Variants in VMP1 observed in about 807,000 individuals in gnomAD.
VMP1 encodes ectopic P-granules autophagy protein 3 homolog.
In VMP1, 11 loss-of-function variants were observed where a neutral mutation model predicts 56.0. That is an observed-to-expected ratio of 0.20 (90% CI 0.12 to 0.32). The LOEUF is 0.32. VMP1 is among the 10% of genes least tolerant of loss of function. VMP1 has a pLI of 1.00. For synonymous variants in VMP1, 149 were observed against 165.0 expected, an observed-to-expected ratio of 0.90 and a Z score of 0.74; for missense variants, 296 against 490.3, an observed-to-expected ratio of 0.60 and a Z score of 3.74.
chr17:59,728,852 C>T (rs1427149342), intron 1 of VMP1, among the ~76,000 whole-genome samples: 1 of 152,052 alleles, frequency 6.6e-6, no homozygotes, highest in African/African-American at 2.4e-5. Context: ...CCCATTTAAA[C>T]GGTATATTCA....
chr17:59,773,732 A>G, intron 6 of VMP1, 22 bp from the exon 7 acceptor site: 1 of 1,577,040 alleles, frequency 6.3e-7, no homozygotes, highest in Non-Finnish European at 8.6e-7. Context: ...CCTCATTGTA[A>G]GTATTTTGGT....
intron 9 of VMP1, among the ~76,000 whole-genome samples, chr17:59,816,812 G>A (rs914640603): frequency 1.3e-5 from 2 of 151,870 alleles, no homozygotes; most frequent in African/African-American, 4.8e-5. Context: ...TAGGCGTGGT[G>A]TCGTGCGCCT....
chr17:59,830,207 C>T (rs967851955), intron 10 of VMP1, among the ~76,000 whole-genome samples: 6 of 151,926 alleles, frequency 3.9e-5, no homozygotes, highest in African/African-American at 1.4e-4. Flanking sequence ...CACCTCCTGT[C>T]GCATGCCAGC....
At chr17:59,759,278 G>A (rs1168052342) in intron 5 of VMP1, among the ~76,000 whole-genome samples, 1 of 152,118 alleles carries the variant, frequency 6.6e-6, no homozygotes, top group Non-Finnish European at 1.5e-5. Context: ...GGAGGCTGAG[G>A]CAGGAGAATT....
intron 5 of VMP1, among the ~76,000 whole-genome samples, chr17:59,748,509 TCA>T (rs1285994198): frequency 6.6e-6 from 1 of 152,124 alleles, no homozygotes; most frequent in African/African-American, 2.4e-5. Context: ...CTTTTAAACC[TCA>T]GTCATTCAAC....
chr17:59,749,610 A>G (rs112143648), intron 5 of VMP1, among the ~76,000 whole-genome samples: 6,751 of 151,808 alleles, frequency 0.044, 489 homozygotes, highest in African/African-American at 0.15. Flanking sequence ...TCGTGGGTTC[A>G]AGTGATTCTC....
At chr17:59,820,101 C>T (rs1168213805) in intron 10 of VMP1, among the ~76,000 whole-genome samples, 3 of 152,194 alleles carry the variant, frequency 2.0e-5, no homozygotes, top group Non-Finnish European at 2.9e-5. Context: ...CCTTTCTCCT[C>T]CTCTTCTTGA....
intron 10 of VMP1, among the ~76,000 whole-genome samples, chr17:59,836,178 CCTT>C (rs1207897344): frequency 6.6e-6 from 1 of 150,452 alleles, no homozygotes; most frequent in African/African-American, 2.4e-5. Flanking sequence ...TTTTGTACCT[CCTT>C]CAGTATTCAT....
At position 59,840,562 on chromosome 17, in the gene VMP1, ACTT is replaced by A. The variant is rs1439301302; in HGVS notation, c.*652_*654del. The A allele has an allele frequency of 5.2e-5, 8 of 152,652 alleles. No individual in the cohort carries two copies. Among genetic ancestry groups the A allele is most frequent in the African/African-American group, 1.9e-4 (8 of 41,462 alleles). 9.5% of individuals were successfully genotyped at this position (152,652 alleles called of 1,614,324 possible). A position where few individuals can be genotyped will look rare whatever the true frequency, so the allele number is the denominator to read the frequency against. Reference sequence around the variant, plus strand: ...TATTTAGAATGAAGTCTTGAAAAAAACTTTATAAAGACATCTTTAATCATTCCA... The same window carrying A: ...TATTTAGAATGAAGTCTTGAAAAAAATATAAAGACATCTTTAATCATTCCA... On this transcript the variant is annotated 3_prime_UTR_variant, in exon 12 of 12. Transcript: ENST00000262291.
chr17:59,838,111 T>C, intron 10 of VMP1, 184 bp from the exon 11 acceptor site: 1 of 276,738 alleles, frequency 3.6e-6, no homozygotes, highest in South Asian at 9.1e-5. Context: ...TTTTTTTTTT[T>C]TTTTTTTTTT....
chr17:59,835,168 G>C (rs367582142), intron 10 of VMP1, among the ~76,000 whole-genome samples: 1 of 150,840 alleles, frequency 6.6e-6, no homozygotes, highest in East Asian at 2.0e-4. Context: ...TCACTCTGTC[G>C]CCCAGGCTGG....
rs2039112221 is a variant in VMP1, at chr17:59,840,089, G to C, written c.*178G>C. 1.4e-6 allele frequency: 1 copy of C among 716,400 alleles called. No homozygotes were observed. The highest frequency in any genetic ancestry group is 2.2e-6 in the Non-Finnish European group (1 of 456,784). The allele number at this position is 716,400 out of a possible 1,614,324, so 44.4% of individuals were successfully genotyped here. A position where few individuals can be genotyped will look rare whatever the true frequency, so the allele number is the denominator to read the frequency against. On this transcript the variant is annotated 3_prime_UTR_variant, in exon 12 of 12. Transcript: ENST00000262291. Reference sequence around the variant, plus strand: ...ACATACTTTTTCCTTCTGTGCTAAGGTAAGGTATCCACCCTCGATGCAATC... The same window carrying C: ...ACATACTTTTTCCTTCTGTGCTAAGCTAAGGTATCCACCCTCGATGCAATC...
intron 1 of VMP1, among the ~76,000 whole-genome samples, chr17:59,719,824 C>T (rs903589680): frequency 6.6e-6 from 1 of 152,106 alleles, no homozygotes; most frequent in Non-Finnish European, 1.5e-5. Context: ...TTTCTAAGCA[C>T]TTCTGCAGGA....
At chr17:59,714,436 G>C in intron 1 of VMP1, among the ~76,000 whole-genome samples, 1 of 152,016 alleles carries the variant, frequency 6.6e-6, no homozygotes, top group East Asian at 1.9e-4. Flanking sequence ...TGCCACATTA[G>C]GGGTTAAATT....
chr17:59,783,237 T>C (rs1347615557), intron 7 of VMP1, among the ~76,000 whole-genome samples: 1 of 152,224 alleles, frequency 6.6e-6, no homozygotes, highest in Non-Finnish European at 1.5e-5. Context: ...CAATTTTATT[T>C]ACTTAAATTC....
chr17:59,781,324 T>G (rs1040134985), intron 7 of VMP1, among the ~76,000 whole-genome samples: 2 of 152,172 alleles, frequency 1.3e-5, no homozygotes, highest in Admixed American at 6.5e-5. Context: ...TATTATAAAG[T>G]AAAAAGTGAA....
intron 5 of VMP1, among the ~76,000 whole-genome samples, chr17:59,762,179 T>G (rs1373586880): frequency 2.0e-5 from 3 of 152,230 alleles, no homozygotes; most frequent in African/African-American, 7.2e-5. Context: ...TCATCCGCCG[T>G]GAGACAGAAA....
At chr17:59,810,603 A>G (rs192218954) in intron 8 of VMP1, among the ~76,000 whole-genome samples, 39 of 152,312 alleles carry the variant, frequency 2.6e-4, no homozygotes, top group Admixed American at 1.4e-3. Context: ...AAATGATATT[A>G]TTATATGGTT....
intron 9 of VMP1, among the ~76,000 whole-genome samples, chr17:59,812,292 G>A (rs576179888): frequency 5.3e-4 from 81 of 152,318 alleles, no homozygotes; most frequent in African/African-American, 1.9e-3. Flanking sequence ...ACAGCCAGAT[G>A]TTAGTGTGGG....
Sources: gnomAD v4.1 joint callset for allele counts (sites outside exome capture counted in the v4.1 genomes callset) on GRCh38, gnomAD v4.1.1 for gene constraint, MANE v1.5 for transcripts, NCBI Gene and HGNC (gene_info 2026-07-23, HGNC 2026-07-21) for gene names.